The following WDR70 variants were observed in gnomAD, a reference collection of about 807,000 sequenced individuals.
The protein encoded by WDR70 is WD repeat-containing protein 70.
In WDR70, 53 loss-of-function variants were observed where a neutral mutation model predicts 88.6. The ratio of observed to expected loss-of-function variants is 0.60; its 90% CI spans 0.48 to 0.75. The LOEUF is 0.75. WDR70 is among the 30% of genes least tolerant of loss of function. The pLI is 0.00. For missense variants in WDR70, 610 were observed against 823.2 expected (o/e 0.74, Z 3.17); for synonymous variants, 280 against 270.0 (o/e 1.04, Z -0.36).
intron 9 of WDR70, among the ~76,000 whole-genome samples, chr5:37,542,143 T>C (rs150965892): frequency 6.6e-6 from 1 of 152,268 alleles, no homozygotes; most frequent in Non-Finnish European, 1.5e-5. Flanking sequence ...CATGAAAAAA[T>C]ACATAGTCAA....
chr5:37,711,246 T>C (rs564970324), intron 13 of WDR70, among the ~76,000 whole-genome samples: 1 of 152,298 alleles, frequency 6.6e-6, no homozygotes, highest in South Asian at 2.1e-4. Flanking sequence ...GCAGAGCTAC[T>C]GGCTTTTGCT....
At chr5:37,633,838 T>C (rs1744885124) in intron 10 of WDR70, among the ~76,000 whole-genome samples, 1 of 152,172 alleles carries the variant, frequency 6.6e-6, no homozygotes, top group Admixed American at 6.5e-5. Context: ...TAAATCTACA[T>C]GCTTACACAG....
At chr5:37,616,638 T>G (rs914948827) in intron 10 of WDR70, among the ~76,000 whole-genome samples, 17 of 152,196 alleles carry the variant, frequency 1.1e-4, no homozygotes, top group Non-Finnish European at 2.1e-4. Flanking sequence ...ACTAGAAGAT[T>G]ATGTATCTAG....
chr5:37,452,984 G>A (rs1738720863), intron 7 of WDR70, among the ~76,000 whole-genome samples: 1 of 152,182 alleles, frequency 6.6e-6, no homozygotes, highest in Non-Finnish European at 1.5e-5. Flanking sequence ...GCTCTTTGGT[G>A]CTGTGGTATT....
At position 37,497,160 on chromosome 5, in the gene WDR70, T is replaced by C. The variant is rs1045055197; in HGVS notation, c.840+17173T>C. ...TTTTCTTTCACTCCCCTTCCTTCAC[T>C]CCCTCCCTCCTTCCCTCCCTTCCCC... On this transcript the variant is annotated intron_variant, in intron 8 of 17. Coordinates refer to ENST00000265107, the MANE Select transcript of WDR70 (RefSeq NM_018034.4). Among the ~76,000 whole-genome samples, 23 of 149,158 alleles carry C rather than the reference T, an allele frequency of 1.5e-4. 1 individual carries two copies. Among genetic ancestry groups the C allele is most frequent in the Non-Finnish European group, 3.3e-4 (22 of 67,282 alleles).
chr5:37,461,954 A>G (rs954482511), intron 7 of WDR70, among the ~76,000 whole-genome samples: 6 of 152,096 alleles, frequency 3.9e-5, no homozygotes, highest in African/African-American at 1.2e-4. Context: ...CATGGACTTC[A>G]TGGTTTCTGG....
intron 10 of WDR70, among the ~76,000 whole-genome samples, chr5:37,620,679 T>A (rs910516132): frequency 6.6e-6 from 1 of 152,186 alleles, no homozygotes; most frequent in African/African-American, 2.4e-5. Flanking sequence ...ATTAAATTGT[T>A]TTTATGACCC....
chr5:37,381,678 A>G lies in WDR70; in HGVS notation c.168A>G (p.Lys56=). Residue 56 remains lysine (K), a synonymous_variant, in exon 3 of 18, where the codon AAA becomes AAG. Transcript: ENST00000265107. ...TRRTAVERSR[K]TLEAREKEEE... is the part of the protein sequence containing the mutation. ...GGACAGCTGTGGAAAGAAGTCGCAA[A>G]ACACTGGGTAAGAAGCTCAGATATT... The G allele has an allele frequency of 3.7e-6, 6 of 1,610,444 alleles. No individual in the cohort carries two copies. Among genetic ancestry groups the G allele is most frequent in the Non-Finnish European group, 5.1e-6 (6 of 1,177,470 alleles).
intron 13 of WDR70, among the ~76,000 whole-genome samples, chr5:37,712,867 A>G (rs1169685332): frequency 6.6e-6 from 1 of 151,704 alleles, no homozygotes; most frequent in African/African-American, 2.4e-5. Context: ...ATGCCCAGCT[A>G]ATTTTTTTTT....
In WDR70 at chr5:37,724,968, A is replaced by G. The variant is rs746695132; in HGVS notation, c.1632A>G (p.Gln544=). Residue 544 remains glutamine (Q), a synonymous_variant, in exon 16 of 18, where the codon CAA becomes CAG. Coordinates refer to ENST00000265107, the MANE Select transcript of WDR70 (RefSeq NM_018034.4). ...HALPMFREPR[Q]RSTRKQLEKD... Reference sequence around the variant, plus strand: ...TGCCTATGTTCCGTGAGCCCCGCCAACGGAGTACAAGGAAACAGCTGGAGA... The same window carrying G: ...TGCCTATGTTCCGTGAGCCCCGCCAGCGGAGTACAAGGAAACAGCTGGAGA... 2.5e-6 allele frequency: 4 copies of G among 1,613,712 alleles called. No individual in the cohort carries two copies. Among genetic ancestry groups the G allele is most frequent in the Non-Finnish European group, 3.4e-6 (4 of 1,179,714 alleles).
At chr5:37,636,037 A>G (rs1365936066) in intron 10 of WDR70, among the ~76,000 whole-genome samples, 1 of 152,148 alleles carries the variant, frequency 6.6e-6, no homozygotes, top group Non-Finnish European at 1.5e-5. Flanking sequence ...GCCCTGTGGA[A>G]CTGTAAGTCA....
intron 7 of WDR70, among the ~76,000 whole-genome samples, chr5:37,466,878 T>C (rs1048284768): frequency 6.6e-6 from 1 of 152,032 alleles, no homozygotes; most frequent in African/African-American, 2.4e-5. Context: ...CTGTAGCTTA[T>C]AGGATGGTAT....
intron 10 of WDR70, among the ~76,000 whole-genome samples, chr5:37,660,690 T>G (rs1745677388): frequency 6.6e-6 from 1 of 152,152 alleles, no homozygotes; most frequent in Non-Finnish European, 1.5e-5. Flanking sequence ...CTTCAGTAAG[T>G]TTTTTATAGA....
At chr5:37,553,706 A>C (rs1464086932) in intron 9 of WDR70, among the ~76,000 whole-genome samples, 1 of 152,220 alleles carries the variant, frequency 6.6e-6, no homozygotes, top group Admixed American at 6.5e-5. Flanking sequence ...AAAACATTCT[A>C]TATTTCTTTT....
intron 9 of WDR70, among the ~76,000 whole-genome samples, chr5:37,570,603 A>G (rs902368424): frequency 6.6e-6 from 1 of 152,140 alleles, no homozygotes; most frequent in Non-Finnish European, 1.5e-5. Flanking sequence ...GAGTGCTAAG[A>G]TCAACCAAGA....
At chr5:37,544,232 A>G (rs565691) in intron 9 of WDR70, among the ~76,000 whole-genome samples, 112,006 of 152,078 alleles carry the variant, frequency 0.74, 41,845 homozygotes, top group African/African-American at 0.87. Flanking sequence ...GTAACTATAG[A>G]ATATCCATGG....
chr5:37,447,550 A>T (rs983820340), intron 7 of WDR70, among the ~76,000 whole-genome samples: 2 of 152,242 alleles, frequency 1.3e-5, no homozygotes, highest in Non-Finnish European at 2.9e-5. Context: ...ATGTCCATCA[A>T]TGATAGACTG....
chr5:37,439,516 T>C (rs1750585523), intron 6 of WDR70, among the ~76,000 whole-genome samples: 1 of 152,120 alleles, frequency 6.6e-6, no homozygotes, highest in Non-Finnish European at 1.5e-5. Flanking sequence ...TATTCCTTTT[T>C]TCGTAAATCA....
At chr5:37,709,465 T>C (rs1747449975) in intron 13 of WDR70, among the ~76,000 whole-genome samples, 1 of 152,218 alleles carries the variant, frequency 6.6e-6, no homozygotes, top group Non-Finnish European at 1.5e-5. Flanking sequence ...ATACCTAACA[T>C]AGGTGTGTGG....
Sources: gnomAD v4.1 joint callset for allele counts (sites outside exome capture counted in the v4.1 genomes callset) on GRCh38, gnomAD v4.1.1 for gene constraint, MANE v1.5 for transcripts, NCBI Gene and HGNC (gene_info 2026-07-23, HGNC 2026-07-21) for gene names.